Variants in NCAM2 observed in about 807,000 individuals in gnomAD.
The protein encoded by NCAM2 is neural cell adhesion molecule 2.
Under a neutral mutation model 98.1 loss-of-function variants are expected in NCAM2, and 30 were observed. The ratio of observed to expected loss-of-function variants is 0.31; its 90% CI spans 0.23 to 0.41. The LOEUF is 0.41. Among genes scored for constraint, NCAM2 ranks in the 10% least tolerant of loss-of-function variants. NCAM2 has a pLI of 1.00. For missense variants in NCAM2, 867 were observed against 1,005.8 expected (o/e 0.86, Z 1.87); for synonymous variants, 368 against 342.4 (o/e 1.07, Z -0.83).
chr21:21,001,674 T>C (rs969566635), intron 1 of NCAM2, among the ~76,000 whole-genome samples: 3 of 152,210 alleles, frequency 2.0e-5, no homozygotes, highest in Admixed American at 2.0e-4. Flanking sequence ...TTTTCCTGGA[T>C]GTTCACATAT....
chr21:21,177,257 A>G (rs1176768728), intron 1 of NCAM2, among the ~76,000 whole-genome samples: 1 of 151,982 alleles, frequency 6.6e-6, no homozygotes, highest in African/African-American at 2.4e-5. Context: ...ATCAGTGTTA[A>G]ACCCTGTTTG....
intron 1 of NCAM2, among the ~76,000 whole-genome samples, chr21:21,115,980 TGTG>T (rs2066547076): frequency 7.2e-6 from 1 of 138,470 alleles, no homozygotes; most frequent in South Asian, 2.4e-4. Context: ...TGTGTGTGTG[TGTG>T]TGTGTGTGTC....
intron 1 of NCAM2, among the ~76,000 whole-genome samples, chr21:21,123,407 A>C (rs1412018574): frequency 6.6e-6 from 1 of 152,094 alleles, no homozygotes; most frequent in Non-Finnish European, 1.5e-5. Flanking sequence ...CTCAAAAAAA[A>C]AAAAAAGTTT....
At chr21:21,284,540 T>A in intron 3 of NCAM2, 140 bp downstream of exon 3, 1 of 672,954 alleles carries the variant, frequency 1.5e-6, no homozygotes, top group Non-Finnish European at 2.5e-6. Context: ...TTTACCAGAG[T>A]GTATCTTAGA....
At chr21:21,076,686 C>T (rs991265175) in intron 1 of NCAM2, among the ~76,000 whole-genome samples, 1 of 152,126 alleles carries the variant, frequency 6.6e-6, no homozygotes, top group African/African-American at 2.4e-5. Context: ...TTGTAGCATA[C>T]TCACAACTAA....
chr21:21,313,690 C>T (rs1246470322), intron 5 of NCAM2, among the ~76,000 whole-genome samples: 1 of 151,990 alleles, frequency 6.6e-6, no homozygotes, highest in Admixed American at 6.6e-5. Flanking sequence ...ATTTACACTT[C>T]ATTCAGATTT....
chr21:21,235,624 A>G (rs2070789114), intron 1 of NCAM2, among the ~76,000 whole-genome samples: 2 of 152,052 alleles, frequency 1.3e-5, no homozygotes, highest in African/African-American at 4.8e-5. Context: ...TTGAAATAAA[A>G]ATTTCAATTT....
At chr21:21,040,618 CTTGTCA>C (rs566797390) in intron 1 of NCAM2, among the ~76,000 whole-genome samples, 47 of 151,820 alleles carry the variant, frequency 3.1e-4, no homozygotes, top group Non-Finnish European at 5.7e-4. Context: ...AAAAAGAAAT[CTTGTCA>C]TTCACAGCAA....
chr21:21,238,627 C>CT (rs11377951), intron 1 of NCAM2, among the ~76,000 whole-genome samples: 152,166 of 152,168 alleles, frequency 1, 76,082 homozygotes, highest in Middle Eastern at 1. Context: ...TGCCAATACT[C>CT]TTTTCTTCTT....
intron 1 of NCAM2, among the ~76,000 whole-genome samples, chr21:21,194,813 A>G (rs1390163772): frequency 1.3e-5 from 2 of 152,158 alleles, no homozygotes; most frequent in Non-Finnish European, 2.9e-5. Flanking sequence ...CAATCAAATT[A>G]CCTAACATCC....
intron 1 of NCAM2, among the ~76,000 whole-genome samples, chr21:21,212,121 G>T (rs780628823): frequency 2.0e-5 from 3 of 152,124 alleles, no homozygotes; most frequent in African/African-American, 7.2e-5. Context: ...TCCATAGCAG[G>T]TTTATTTGTA....
chr21:21,349,419 T>G (rs1030948584), intron 8 of NCAM2, among the ~76,000 whole-genome samples: 1 of 152,036 alleles, frequency 6.6e-6, no homozygotes, highest in Non-Finnish European at 1.5e-5. Flanking sequence ...ATCCAGAAAC[T>G]ATGCAATAAG....
At chr21:21,122,245 TATTA>T (rs1466546645) in intron 1 of NCAM2, among the ~76,000 whole-genome samples, 1 of 152,344 alleles carries the variant, frequency 6.6e-6, no homozygotes, top group South Asian at 2.1e-4. Flanking sequence ...CATATTTCAT[TATTA>T]ATTTAACCTC....
In NCAM2 at chr21:21,475,594, A is replaced by G. The variant is rs529950515; in HGVS notation, c.1897-1697A>G. 2.0e-5 allele frequency among the ~76,000 whole-genome samples: 3 copies of G among 152,304 alleles called. No homozygotes were observed. The East Asian group carries it at 5.8e-4, about 29-fold the overall frequency. On this transcript the variant is annotated intron_variant, in intron 14 of 17. Coordinates refer to ENST00000400546, the MANE Select transcript of NCAM2 (RefSeq NM_004540.5). Reference sequence around the variant, plus strand: ...CTTACTGTCCATTGATTAACTTAGAAAAGTTACAACCTCTCTTCTCAGTTA... The same window carrying G: ...CTTACTGTCCATTGATTAACTTAGAGAAGTTACAACCTCTCTTCTCAGTTA...
In NCAM2 at chr21:21,280,635, A is replaced by G. The variant is rs776202272; in HGVS notation, c.113A>G (p.Lys38Arg). The change falls in exon 2 of 18, where the codon AAA becomes AGA. Residue 38 changes from lysine (K) to arginine (R), a missense_variant. Lys to Arg is a conservative substitution (Grantham distance 26, BLOSUM62 2). This residue lies in a region of NCAM2 where 447 missense variants were observed against 495.7 expected (regional missense o/e 0.90). Transcript: ENST00000400546. The stretch of plus-strand genomic sequence containing the variant: ...GTAGAGCTTAGTGTTGGAGAATCTA[A>G]ATTCTTCACATGTACAGGTACGTAT... ...SKVELSVGES[K>R]FFTCTAIGEP... 6.3e-7 allele frequency: 1 copy of G among 1,592,946 alleles called. No individual in the cohort carries two copies.
At chr21:21,230,894 C>T (rs995859943) in intron 1 of NCAM2, among the ~76,000 whole-genome samples, 4 of 151,290 alleles carry the variant, frequency 2.6e-5, no homozygotes, top group African/African-American at 7.3e-5. Context: ...GCTCTCCTAC[C>T]TTCTCCCTGT....
intron 15 of NCAM2, among the ~76,000 whole-genome samples, chr21:21,499,251 GTTTA>G (rs971127665): frequency 5.9e-5 from 9 of 152,116 alleles, no homozygotes; most frequent in Admixed American, 5.9e-4. Flanking sequence ...ATAATGTTTT[GTTTA>G]TTTGTTTGTT....
chr21:21,227,566 T>G (rs1157818687), intron 1 of NCAM2, among the ~76,000 whole-genome samples: 1 of 151,818 alleles, frequency 6.6e-6, no homozygotes, highest in Non-Finnish European at 1.5e-5. Context: ...TCATAGTTTT[T>G]CATAGAACAT....
chr21:21,156,102 A>G (rs749735423), intron 1 of NCAM2, among the ~76,000 whole-genome samples: 20 of 152,080 alleles, frequency 1.3e-4, no homozygotes, highest in Non-Finnish European at 2.8e-4. Flanking sequence ...ATCCTAATCC[A>G]TATTCAATCT....
Sources: allele counts gnomAD v4.1 joint callset (sites outside exome capture counted in the v4.1 genomes callset), GRCh38; gene constraint gnomAD v4.1.1; regional missense constraint gnomAD v4.1.1; transcripts MANE v1.5; gene names NCBI Gene and HGNC (gene_info 2026-07-23, HGNC 2026-07-21).